LYRM4: variants seen among roughly 807,000 people sequenced by gnomAD.
LYRM4 encodes LYR motif-containing protein 4.
A neutral mutation model predicts 11.7 loss-of-function variants in LYRM4; 9 were observed. The ratio of observed to expected loss-of-function variants is 0.77; its 90% CI spans 0.46 to 1.34. The LOEUF is 1.34. Among genes scored for constraint, LYRM4 ranks in the 40% most tolerant of loss-of-function variants. The pLI, the probability that LYRM4 is intolerant of heterozygous loss-of-function variation, is 0.00. For synonymous variants in LYRM4, 42 were observed against 40.4 expected (o/e 1.04, Z -0.15); for missense variants, 133 against 112.5 (o/e 1.18, Z -0.82).
intron 2 of LYRM4, among the ~76,000 whole-genome samples, chr6:5,199,776 T>C (rs1229466932): frequency 6.6e-6 from 1 of 152,202 alleles, no homozygotes; most frequent in African/African-American, 2.4e-5. Flanking sequence ...TCCAGTTCCT[T>C]TGGATGCTAG....
intron 2 of LYRM4, among the ~76,000 whole-genome samples, chr6:5,156,427 T>C (rs1181503455): frequency 6.6e-6 from 1 of 152,188 alleles, no homozygotes; most frequent in African/African-American, 2.4e-5. Context: ...TTTGCTATAC[T>C]GAACTCATCA....
chr6:5,242,431 T>C (rs1480388824), intron 1 of LYRM4, among the ~76,000 whole-genome samples: 3 of 150,616 alleles, frequency 2.0e-5, no homozygotes, highest in Admixed American at 6.6e-5. Flanking sequence ...GATTTAAAAA[T>C]ACATGAGGCT....
intron 1 of LYRM4, among the ~76,000 whole-genome samples, chr6:5,226,545 C>T (rs1056633191): frequency 1.1e-4 from 17 of 152,066 alleles, no homozygotes; most frequent in Non-Finnish European, 2.1e-4. Context: ...CCACCATGCC[C>T]GGCTAATTTT....
intron 1 of LYRM4, among the ~76,000 whole-genome samples, chr6:5,258,242 G>C (rs1408958514): frequency 6.6e-6 from 1 of 152,190 alleles, no homozygotes; most frequent in African/African-American, 2.4e-5. Flanking sequence ...TTGCAAGAGA[G>C]TTCCAAAGTA....
intron 1 of LYRM4, among the ~76,000 whole-genome samples, chr6:5,238,088 C>T (rs1216756749): frequency 6.6e-6 from 1 of 152,162 alleles, no homozygotes; most frequent in Non-Finnish European, 1.5e-5. Context: ...TTGGAAACCT[C>T]ATCCCAGGAC....
chr6:5,152,875 C>T (rs768786592), intron 2 of LYRM4, among the ~76,000 whole-genome samples: 3 of 152,224 alleles, frequency 2.0e-5, no homozygotes, highest in Non-Finnish European at 4.4e-5. Flanking sequence ...GACAAACTTG[C>T]TGCCAGATGA....
intron 1 of LYRM4, among the ~76,000 whole-genome samples, chr6:5,222,830 T>C (rs1216814620): frequency 1.4e-5 from 1 of 71,416 alleles, no homozygotes; most frequent in Non-Finnish European, 3.4e-5. Context: ...GCAATAACAC[T>C]GAATTAAAAC....
rs76896915 is a variant in LYRM4 at position 5,109,525 on chromosome 6, G to A, written c.208-34C>T. 1,125 of 1,596,648 alleles carry A rather than the reference G, an allele frequency of 7.0e-4. 9 individuals carry two copies. The African/African-American group carries it at 0.013, about 18-fold the overall frequency. On this transcript the variant is annotated intron_variant, in intron 2 of 2. Transcript: ENST00000330636. ...AAAGAAAGGACACAGGTCAGGAACC[G>A]TGGCCCTCTAGCCCCTGGGAAAGGC...
intron 2 of LYRM4, among the ~76,000 whole-genome samples, chr6:5,138,530 TCTTA>T (rs905597493): frequency 1.1e-4 from 16 of 146,270 alleles, no homozygotes; most frequent in East Asian, 6.1e-4. Flanking sequence ...CGATAGTTTT[TCTTA>T]CTTAAAGAAT....
the LYRM4 span, among the ~76,000 whole-genome samples, chr6:5,060,619 T>C: frequency 6.6e-6 from 1 of 152,176 alleles, no homozygotes; most frequent in South Asian, 2.1e-4. Flanking sequence ...CGTCTGCCTC[T>C]CGGGTTCAAG....
chr6:5,064,193 G>A, the LYRM4 span, among the ~76,000 whole-genome samples: 1 of 137,570 alleles, frequency 7.3e-6, no homozygotes, highest in Non-Finnish European at 1.6e-5. Context: ...CCCATCTGCT[G>A]GCTGAAAAAA....
chr6:5,213,548 G>A (rs2127719886), intron 2 of LYRM4, among the ~76,000 whole-genome samples: 1 of 152,302 alleles, frequency 6.6e-6, no homozygotes, highest in South Asian at 2.1e-4. Context: ...TGGGTGGGTG[G>A]GGCTTGGAGT....
At chr6:5,175,260 AT>A (rs532127171) in intron 2 of LYRM4, among the ~76,000 whole-genome samples, 2 of 152,234 alleles carry the variant, frequency 1.3e-5, no homozygotes, top group Non-Finnish European at 2.9e-5. Context: ...ATGAAGCAAT[AT>A]TTCAATATCT....
intron 2 of LYRM4, among the ~76,000 whole-genome samples, chr6:5,142,897 T>G (rs1307780210): frequency 5.3e-5 from 8 of 152,228 alleles, no homozygotes; most frequent in Non-Finnish European, 1.2e-4. Context: ...CATGGACCCT[T>G]GGCCTGCTGG....
the LYRM4 span, among the ~76,000 whole-genome samples, chr6:5,061,777 C>CAAT: frequency 6.6e-6 from 1 of 152,174 alleles, no homozygotes; most frequent in Non-Finnish European, 1.5e-5. Context: ...TCACAAAAAT[C>CAAT]AGTTCACACA....
At chr6:5,180,355 G>A (rs771599787) in intron 2 of LYRM4, among the ~76,000 whole-genome samples, 2 of 152,094 alleles carry the variant, frequency 1.3e-5, no homozygotes, top group Non-Finnish European at 2.9e-5. Flanking sequence ...TGTCAATACC[G>A]AGCTCAGTTT....
the LYRM4 span, chr6:5,086,630 A>G: frequency 1.6e-6 from 2 of 1,288,040 alleles, no homozygotes; most frequent in African/African-American, 1.5e-5. Flanking sequence ...TGCCGCCTCA[A>G]GGAACTTGCT....
intron 2 of LYRM4, chr6:5,186,572 T>C (rs1450521166): frequency 2.0e-6 from 2 of 976,510 alleles, no homozygotes; most frequent in Non-Finnish European, 2.4e-6. Context: ...AAACTAAACA[T>C]TTAAAAAATC....
At chr6:5,212,038 T>C (rs767482322) in intron 2 of LYRM4, among the ~76,000 whole-genome samples, 1 of 152,160 alleles carries the variant, frequency 6.6e-6, no homozygotes, top group African/African-American at 2.4e-5. Context: ...GCTTAGAAAA[T>C]ATTTTCTCTT....
Sources: allele counts gnomAD v4.1 joint callset (sites outside exome capture counted in the v4.1 genomes callset), GRCh38; gene constraint gnomAD v4.1.1; transcripts MANE v1.5; gene names NCBI Gene and HGNC (gene_info 2026-07-23, HGNC 2026-07-21).